Variants in CDK14 observed in about 807,000 individuals in gnomAD.
CDK14 encodes cyclin dependent kinase 14.
In CDK14, 34 loss-of-function variants were observed where a neutral mutation model predicts 60.7. The ratio of observed to expected loss-of-function variants is 0.56; its 90% confidence interval spans 0.43 to 0.75. The LOEUF (loss-of-function observed/expected upper bound fraction) is 0.75, where lower values mean the gene tolerates loss of function less well. Among genes scored for constraint, CDK14 ranks in the 30% least tolerant of loss-of-function variants. The pLI, the probability that CDK14 is intolerant of heterozygous loss-of-function variation, is 0.00. For synonymous variants in CDK14, 197 were observed against 203.7 expected (o/e 0.97, Z 0.28); for missense variants, 482 against 564.1 (o/e 0.85, Z 1.47).
At chr7:90,920,936 C>T (rs1233403265) in intron 8 of CDK14, among the ~76,000 whole-genome samples, 2 of 146,082 alleles carry the variant, frequency 1.4e-5, no homozygotes, top group Non-Finnish European at 3.0e-5. Context: ...AATGCTGTAA[C>T]TATTTTTTTT....
chr7:91,018,435 C>T (rs891026762), intron 10 of CDK14, among the ~76,000 whole-genome samples: 1 of 151,850 alleles, frequency 6.6e-6, no homozygotes, highest in African/African-American at 2.4e-5. Flanking sequence ...CTGATGAGGG[C>T]CCTCTTTCTC....
At chr7:91,174,237 G>A (rs1801643884) in intron 14 of CDK14, among the ~76,000 whole-genome samples, 2 of 151,986 alleles carry the variant, frequency 1.3e-5, no homozygotes, top group Admixed American at 6.6e-5. Flanking sequence ...CAGACCTGCA[G>A]CTGAGGGTCC....
intron 12 of CDK14, among the ~76,000 whole-genome samples, chr7:91,084,590 G>T (rs1584033780): frequency 6.6e-6 from 1 of 152,350 alleles, no homozygotes; most frequent in Non-Finnish European, 1.5e-5. Flanking sequence ...GTCATTGCCA[G>T]ATTTCTTATC....
At chr7:91,018,713 C>A (rs367843747) in intron 10 of CDK14, among the ~76,000 whole-genome samples, 2 of 152,170 alleles carry the variant, frequency 1.3e-5, no homozygotes, top group African/African-American at 4.8e-5. Context: ...GTGTGCAGCA[C>A]CTCGCCCTTC....
At chr7:90,761,925 GT>G (rs1804328481) in intron 4 of CDK14, among the ~76,000 whole-genome samples, 1 of 152,180 alleles carries the variant, frequency 6.6e-6, no homozygotes, top group Non-Finnish European at 1.5e-5. Flanking sequence ...CAGGTCCCCT[GT>G]TTTTATTAAG....
At chr7:90,900,262 T>C (rs960295540) in intron 7 of CDK14, among the ~76,000 whole-genome samples, 2 of 152,132 alleles carry the variant, frequency 1.3e-5, no homozygotes, top group African/African-American at 4.8e-5. Context: ...CAAAACATTG[T>C]TAAATAAATA....
At chr7:91,123,488 A>T (rs1799845158) in intron 14 of CDK14, among the ~76,000 whole-genome samples, 1 of 152,188 alleles carries the variant, frequency 6.6e-6, no homozygotes, top group African/African-American at 2.4e-5. Flanking sequence ...ACTGCCAATT[A>T]AAAAATATAT....
intron 5 of CDK14, among the ~76,000 whole-genome samples, chr7:90,804,858 A>C (rs1419374613): frequency 6.6e-6 from 1 of 152,162 alleles, no homozygotes; most frequent in Non-Finnish European, 1.5e-5. Context: ...TTACATAAAC[A>C]GTTCTAATCT....
At chr7:90,783,144 A>G (rs1562767904) in intron 4 of CDK14, among the ~76,000 whole-genome samples, 1 of 152,146 alleles carries the variant, frequency 6.6e-6, no homozygotes, top group Admixed American at 6.5e-5. Flanking sequence ...GAGTTTGTAT[A>G]TTTGATAAAG....
At chr7:91,038,405 CACTT>C (rs1354765420) in intron 10 of CDK14, among the ~76,000 whole-genome samples, 1 of 152,158 alleles carries the variant, frequency 6.6e-6, no homozygotes, top group South Asian at 2.1e-4. Flanking sequence ...TACTTATTAA[CACTT>C]AGAGTCCAAT....
rs3779581 is a variant in CDK14 at position 91,045,880 on chromosome 7, C to A, written c.1042-17C>A. On this transcript the variant is annotated splice_polypyrimidine_tract_variant and intron_variant, in intron 10 of 14. Transcript: ENST00000380050. ...GAAATAATAAGGCTGTTTCCACAAT[C>A]TCCTACTCTCCACTAGGTTCTTGGA... 8 of 1,567,504 alleles carry A rather than the reference C, an allele frequency of 5.1e-6. No homozygotes were observed. Among genetic ancestry groups the A allele is most frequent in the Non-Finnish European group, 7.0e-6 (8 of 1,137,862 alleles).
intron 2 of CDK14, among the ~76,000 whole-genome samples, chr7:90,716,831 G>A (rs983443803): frequency 2.0e-5 from 3 of 151,876 alleles, no homozygotes; most frequent in Non-Finnish European, 4.4e-5. Flanking sequence ...ATCTCTTATT[G>A]GACCATAACA....
chr7:90,809,410 T>C (rs12113411), intron 5 of CDK14, among the ~76,000 whole-genome samples: 27,739 of 151,918 alleles, frequency 0.18, 2,655 homozygotes, highest in South Asian at 0.23. Context: ...ATAAAGATGT[T>C]CTTTGAAACC....
chr7:90,661,032 C>CA (rs917382588), intron 2 of CDK14, among the ~76,000 whole-genome samples: 1 of 152,188 alleles, frequency 6.6e-6, no homozygotes, highest in African/African-American at 2.4e-5. Context: ...GAATTGCCTT[C>CA]AACCATGACT....
At chr7:90,684,909 T>TA (rs1199336194) in intron 2 of CDK14, among the ~76,000 whole-genome samples, 1 of 151,984 alleles carries the variant, frequency 6.6e-6, no homozygotes, top group African/African-American at 2.4e-5. Flanking sequence ...TTCATATATA[T>TA]ATATTCATAT....
At chr7:91,154,241 A>C (rs1800911399) in intron 14 of CDK14, among the ~76,000 whole-genome samples, 1 of 151,478 alleles carries the variant, frequency 6.6e-6, no homozygotes, top group Non-Finnish European at 1.5e-5. Context: ...CTGCTTAGTA[A>C]ATCTTGAATA....
At chr7:90,814,387 A>T (rs73220838) in intron 5 of CDK14, among the ~76,000 whole-genome samples, 4,130 of 152,178 alleles carry the variant, frequency 0.027, 110 homozygotes, top group South Asian at 0.043. Flanking sequence ...GCTTTTTTTT[A>T]AAAAAATTAT....
chr7:90,955,009 C>A (rs549484392), intron 8 of CDK14, among the ~76,000 whole-genome samples: 3 of 151,122 alleles, frequency 2.0e-5, no homozygotes, highest in Non-Finnish European at 2.9e-5. Flanking sequence ...GGTCAAATTG[C>A]GTATACCTTT....
At chr7:90,616,939 C>A (rs911351452) in intron 2 of CDK14, among the ~76,000 whole-genome samples, 23 of 147,908 alleles carry the variant, frequency 1.6e-4, no homozygotes, top group Non-Finnish European at 3.3e-4. Context: ...ATTTTTTTTT[C>A]AGGCAAGATA....
Sources: allele counts gnomAD v4.1 joint callset (sites outside exome capture counted in the v4.1 genomes callset), GRCh38; gene constraint gnomAD v4.1.1; transcripts MANE v1.5; gene names NCBI Gene and HGNC (gene_info 2026-07-23, HGNC 2026-07-21).